The following KDM5B variants were observed in gnomAD, a reference collection of about 807,000 sequenced individuals.
KDM5B encodes the protein lysine demethylase 5B, also known as lysine-specific demethylase 5B.
A neutral mutation model predicts 193.4 loss-of-function variants in KDM5B; 144 were observed. The ratio of observed to expected loss-of-function variants is 0.74; its 90% CI spans 0.65 to 0.86. The LOEUF (loss-of-function observed/expected upper bound fraction) is 0.86, where lower values mean the gene tolerates loss of function less well. Ranked by LOEUF, KDM5B falls within the 40% of genes least tolerant of loss-of-function variation. KDM5B has a pLI of 0.00. For synonymous variants in KDM5B, 668 were observed against 682.6 expected, an observed-to-expected ratio of 0.98 and a Z score of 0.33; for missense variants, 1,833 against 1,886.9, an observed-to-expected ratio of 0.97 and a Z score of 0.53.
Position 202,742,507 on chromosome 1 carries a change from T to C in KDM5B, c.2475-2A>G. 6.2e-7 allele frequency: 1 copy of C among 1,613,444 alleles called. No homozygotes were observed. Among genetic ancestry groups the C allele is most frequent in the Non-Finnish European group, 8.5e-7 (1 of 1,179,564 alleles). ...GATTTCCCTCCACCAGATCGATATCTGTAAAGACAAAGGCCCAAGGAAGCC... is the reference window on the plus strand; with the variant it reads ...GATTTCCCTCCACCAGATCGATATCCGTAAAGACAAAGGCCCAAGGAAGCC... On this transcript the variant is annotated splice_acceptor_variant, in intron 17 of 26. Coordinates refer to ENST00000367265, the MANE Select transcript of KDM5B (RefSeq NM_006618.5). LOFTEE classifies it high-confidence loss of function.
chr1:202,777,351 TAAAAA>T (rs147335949), intron 1 of KDM5B, among the ~76,000 whole-genome samples: 12 of 128,650 alleles, frequency 9.3e-5, no homozygotes, highest in Non-Finnish European at 8.0e-5. Flanking sequence ...ATTGAGCCTG[TAAAAA>T]AAAAAAAAAA....
rs372164654 is a variant in KDM5B at position 202,735,520 on chromosome 1, G to C, written c.3332C>G (p.Pro1111Arg). 19 of 1,613,690 alleles carry C rather than the reference G, an allele frequency of 1.2e-5. No individual in the cohort carries two copies. The highest frequency in any genetic ancestry group is 1.5e-5 in the Non-Finnish European group (18 of 1,179,872). ...GCTTTTTTTCTTTCCATTTGGCAAG[G>C]GCTCCTTTAACTTTCTCTGCTTCCT... ...LKRKQRKLKEPLPNGKKKSTK... is the reference protein window; with the variant it reads ...LKRKQRKLKERLPNGKKKSTK... The change falls in exon 22 of 27, where the codon CCC becomes CGC. Residue 1111 changes from proline (P) to arginine (R), a missense_variant. Physicochemically the swap from Pro to Arg is moderately radical, Grantham distance 103. Around this residue, in one of 3 missense-constraint regions of KDM5B, gnomAD observed 1,379 missense variants for 1,349.6 expected, o/e 1.02. Coordinates refer to ENST00000367265, the MANE Select transcript of KDM5B (RefSeq NM_006618.5).
intron 16 of KDM5B, 125 bp from the exon 17 acceptor site, chr1:202,742,930 G>A: frequency 1.3e-6 from 1 of 776,460 alleles, no homozygotes; most frequent in South Asian, 1.9e-5. Flanking sequence ...TGTTTGCAAT[G>A]CTTTAAATTA....
chr1:202,765,027 T>C (rs1656393286), intron 5 of KDM5B, among the ~76,000 whole-genome samples: 1 of 152,212 alleles, frequency 6.6e-6, no homozygotes, highest in African/African-American at 2.4e-5. Flanking sequence ...AATTCTTATT[T>C]TCCTCCTAGA....
intron 12 of KDM5B, among the ~76,000 whole-genome samples, chr1:202,751,899 T>C (rs1655805768): frequency 6.6e-6 from 1 of 151,946 alleles, no homozygotes; most frequent in Admixed American, 6.6e-5. Flanking sequence ...GAAAGAAAAA[T>C]ATTATGAGAA....
At chr1:202,802,387 TTTGTTG>T (rs368446576) in intron 1 of KDM5B, among the ~76,000 whole-genome samples, 6 of 151,762 alleles carry the variant, frequency 4.0e-5, no homozygotes, top group African/African-American at 7.3e-5. Context: ...GTTGTTGTTG[TTTGTTG>T]TTGTTGTTGT....
chr1:202,786,223 T>TG (rs1657408799), intron 1 of KDM5B, among the ~76,000 whole-genome samples: 1 of 149,838 alleles, frequency 6.7e-6, no homozygotes, highest in African/African-American at 2.4e-5. Flanking sequence ...TTGCACAGGT[T>TG]GGTCTCAAAC....
chr1:202,754,695 T>C (rs1655939310), intron 11 of KDM5B, among the ~76,000 whole-genome samples: 2 of 152,236 alleles, frequency 1.3e-5, no homozygotes, highest in Admixed American at 6.6e-5. Flanking sequence ...TACTTCTTTT[T>C]GTTTTGAGGC....
Position 202,774,703 on chromosome 1 carries a change from G to A in KDM5B, c.315C>T (p.Asp105=), listed in dbSNP as rs745736416. ...AQTRVKLNFL[D]QIAKYWELQG... is the part of the protein sequence containing the mutation. ...GTAACTCCCAGTACTTTGCAATCTG[G>A]TCCAAGAAATTCAATTTTACACGAG... Residue 105 remains aspartate (D), a synonymous_variant, in exon 3 of 27, where the codon GAC becomes GAT. Coordinates refer to ENST00000367265, the MANE Select transcript of KDM5B (RefSeq NM_006618.5). 6.2e-7 allele frequency: 1 copy of A among 1,612,926 alleles called. No individual in the cohort carries two copies. The highest frequency in any genetic ancestry group is 1.7e-5 in the Admixed American group (1 of 59,956).
rs1390709973 is a variant in KDM5B at position 202,727,465 on chromosome 1, T to A, written c.*1571A>T. The A allele has an allele frequency of 6.6e-6, 1 of 152,652 alleles. No homozygotes were observed. Among genetic ancestry groups the A allele is most frequent in the African/African-American group, 2.4e-5 (1 of 41,450 alleles). 9.5% of individuals were successfully genotyped at this position (152,652 alleles called of 1,614,324 possible). ...AAAGGGGAGGGTACATTTAAACCTC[T>A]GCTATATCACAAACTGCTGTTTTTG... On this transcript the variant is annotated 3_prime_UTR_variant, in exon 27 of 27. Coordinates refer to ENST00000367265, the MANE Select transcript of KDM5B (RefSeq NM_006618.5).
At chr1:202,788,559 T>TGTATTGGTATTG (rs71142560) in intron 1 of KDM5B, among the ~76,000 whole-genome samples, 44 of 151,306 alleles carry the variant, frequency 2.9e-4, no homozygotes, top group South Asian at 8.3e-4. Flanking sequence ...TGATCTGTAT[T>TGTATTGGTATTG]GTATTGGTAT....
chr1:202,781,814 C>T (rs1657208212), intron 1 of KDM5B, among the ~76,000 whole-genome samples: 1 of 152,126 alleles, frequency 6.6e-6, no homozygotes, highest in African/African-American at 2.4e-5. Context: ...AATATTTAGT[C>T]TTAACATACT....
At chr1:202,753,666 T>TTTG (rs1558493364) in intron 11 of KDM5B, among the ~76,000 whole-genome samples, 1 of 106,862 alleles carries the variant, frequency 9.4e-6, no homozygotes. Flanking sequence ...TTGTTGTTGT[T>TTTG]TTTTTTTTGT....
rs1654904389 is a variant in KDM5B at position 202,732,021 on chromosome 1, T to G, written c.3910-82A>C. On this transcript the variant is annotated intron_variant, in intron 23 of 26. Coordinates refer to ENST00000367265, the MANE Select transcript of KDM5B (RefSeq NM_006618.5). ...TTAGTCCAATGACAGTAGCTTGCAT[T>G]ACCCAGGCAGGCAACCAGGGGAAAA... 4 of 774,292 alleles carry G rather than the reference T, an allele frequency of 5.2e-6. No individual in the cohort carries two copies. In the East Asian group the frequency reaches 1.3e-4, roughly 25 times the overall value. The allele number at this position is 774,292 out of a possible 1,614,324, so 48.0% of individuals were successfully genotyped here. A position where few individuals can be genotyped will look rare whatever the true frequency, so the allele number is the denominator to read the frequency against.
chr1:202,786,288 G>A (rs1657410702), intron 1 of KDM5B, among the ~76,000 whole-genome samples: 1 of 151,928 alleles, frequency 6.6e-6, no homozygotes, highest in Non-Finnish European at 1.5e-5. Context: ...GGGATTACAG[G>A]TGTGAGCCAC....
chr1:202,733,331 C>T, intron 23 of KDM5B, 70 bp downstream of exon 23: 1 of 1,539,490 alleles, frequency 6.5e-7, no homozygotes, highest in Non-Finnish European at 8.8e-7. Context: ...AACACCAAAG[C>T]TACAGGTTCG....
At chr1:202,745,194 G>A (rs1655504792) in intron 16 of KDM5B, among the ~76,000 whole-genome samples, 1 of 152,156 alleles carries the variant, frequency 6.6e-6, no homozygotes, top group Admixed American at 6.5e-5. Context: ...GGCAGGAGGA[G>A]GGAGAGGCTC....
Position 202,750,749 on chromosome 1 carries a change from C to T in KDM5B, c.1731G>A (p.Glu577=), listed in dbSNP as rs764571613. 2 of 1,614,012 alleles carry T rather than the reference C, an allele frequency of 1.2e-6. No individual in the cohort carries two copies. Among genetic ancestry groups the T allele is most frequent in the Middle Eastern group, 1.6e-4 (1 of 6,062 alleles). ...PVYRTNQCAG[E]FVITFPRAYH... Reference sequence around the variant, plus strand: ...AGGCTCTTGGAAATGTAATCACAAACTCCCCAGCACACTGATTAGTTCGGT... The same window carrying T: ...AGGCTCTTGGAAATGTAATCACAAATTCCCCAGCACACTGATTAGTTCGGT... The change falls in exon 13 of 27, where the codon GAG becomes GAA. Residue 577 remains glutamate, a synonymous_variant. Transcript: ENST00000367265.
rs549532147 is a variant in KDM5B at position 202,771,457 on chromosome 1, TCTCGAACTCCTGAC to T, written c.576+1647_576+1660del. On this transcript the variant is annotated intron_variant, in intron 4 of 26. Transcript: ENST00000367265. ...GGTTTTGCCATGTTGGCCAGCCAGA[TCTCGAACTCCTGAC>T]CTCGAACTCCTGACCTCTGGGGATC... 8.7e-4 allele frequency among the ~76,000 whole-genome samples: 132 copies of T among 151,774 alleles called. 1 individual carries two copies. Among genetic ancestry groups the T allele is most frequent in the Non-Finnish European group, 1.5e-3 (102 of 67,962 alleles).
Sources: gnomAD v4.1 joint callset for allele counts (sites outside exome capture counted in the v4.1 genomes callset) on GRCh38, gnomAD v4.1.1 for gene constraint, gnomAD v4.1.1 regional missense constraint, MANE v1.5 for transcripts, NCBI Gene and HGNC (gene_info 2026-07-23, HGNC 2026-07-21) for gene names.